Variants in AGPAT4 observed in about 807,000 individuals in gnomAD.
The protein encoded by AGPAT4 is 1-acyl-sn-glycerol-3-phosphate acyltransferase delta.
In AGPAT4, 15 loss-of-function variants were observed where a neutral mutation model predicts 48.0. The ratio of observed to expected loss-of-function variants is 0.31; its 90% CI spans 0.21 to 0.48. The LOEUF (loss-of-function observed/expected upper bound fraction) is 0.48, where lower values mean the gene tolerates loss of function less well. Ranked by LOEUF, AGPAT4 falls within the 20% of genes least tolerant of loss-of-function variation. AGPAT4 has a pLI of 0.99. For synonymous variants in AGPAT4, 178 were observed against 198.7 expected (o/e 0.90, Z 0.88); for missense variants, 314 against 482.5 (o/e 0.65, Z 3.27).
In AGPAT4 at chr6:161,136,542, A is replaced by G. The variant is rs1280727065; in HGVS notation, c.1135T>C (p.Ter379ArgextTer22). ...NSDSKQKLND[*>R] ...TCGGATGGTGACACCTCCCTGAGTC[A>G]GTCATTCAGTTTCTGCTTGCTGTCA... Residue 379 changes from the stop codon to arginine, a stop_lost, in exon 9 of 9, where the codon TGA becomes CGA. Transcript: ENST00000320285. 4 of 1,613,984 alleles carry G rather than the reference A, an allele frequency of 2.5e-6. No individual in the cohort carries two copies. Among genetic ancestry groups the G allele is most frequent in the Non-Finnish European group, 3.4e-6 (4 of 1,179,922 alleles).
At chr6:161,211,244 T>A (rs893287350) in intron 2 of AGPAT4, among the ~76,000 whole-genome samples, 7 of 152,174 alleles carry the variant, frequency 4.6e-5, no homozygotes, top group Non-Finnish European at 7.4e-5. Context: ...ATTTAGAATC[T>A]AAAGTTATAT....
At chr6:161,194,586 GTGTA>G (rs10586792) in intron 2 of AGPAT4, among the ~76,000 whole-genome samples, 14,420 of 151,578 alleles carry the variant, frequency 0.095, 2,165 homozygotes, top group African/African-American at 0.33. Context: ...GTGTATATAT[GTGTA>G]TGTATGTATG....
chr6:161,253,792 G>A (rs1240258977), intron 1 of AGPAT4, among the ~76,000 whole-genome samples: 4 of 152,050 alleles, frequency 2.6e-5, no homozygotes, highest in African/African-American at 4.8e-5. Context: ...TCAACACTGC[G>A]ATTTTGAAAT....
Position 161,245,115 on chromosome 6 carries a change from AG to A in AGPAT4, c.-89-12814del. On this transcript the variant is annotated intron_variant, in intron 1 of 8. Transcript: ENST00000320285. The surrounding 1 kb of genome is among the most constrained non-coding windows in gnomAD (Gnocchi z 5.2). Reference sequence around the variant, plus strand: ...AGGGTAGAAACCTCCTTGGGAATCGAGAAATTGCGACTCTATTCATGGTGGA... The same window carrying A: ...AGGGTAGAAACCTCCTTGGGAATCGAAAATTGCGACTCTATTCATGGTGGA... Among the ~76,000 whole-genome samples the A allele has an allele frequency of 6.6e-6, 1 of 152,376 alleles. No individual in the cohort carries two copies. Among genetic ancestry groups the A allele is most frequent in the Middle Eastern group, 3.4e-3 (1 of 294 alleles).
chr6:161,259,452 G>A lies in AGPAT4; in HGVS notation c.-90+14486C>T, dbSNP rs1205691016. Reference sequence around the variant, plus strand: ...ATCACGGACTTTTGTAGAGCCACCCGGTCTTTTGCAGGGCGGTCTGGAGTT... The same window carrying A: ...ATCACGGACTTTTGTAGAGCCACCCAGTCTTTTGCAGGGCGGTCTGGAGTT... On this transcript the variant is annotated intron_variant, in intron 1 of 8. Transcript: ENST00000320285. This position sits in a 1 kb window ranked among gnomAD's most constrained non-coding sequence, Gnocchi z 4.9. Among the ~76,000 whole-genome samples the A allele has an allele frequency of 1.3e-5, 2 of 151,952 alleles. No homozygotes were observed. The highest frequency in any genetic ancestry group is 2.9e-5 in the Non-Finnish European group (2 of 67,996).
intron 2 of AGPAT4, among the ~76,000 whole-genome samples, chr6:161,228,199 T>C (rs972037993): frequency 6.6e-6 from 1 of 152,216 alleles, no homozygotes; most frequent in African/African-American, 2.4e-5. Context: ...ACCATTGTAA[T>C]TGGCCCTGTT....
At chr6:161,199,095 T>C (rs1781145648) in intron 2 of AGPAT4, among the ~76,000 whole-genome samples, 1 of 148,082 alleles carries the variant, frequency 6.8e-6, no homozygotes, top group Admixed American at 6.7e-5. Flanking sequence ...TTGGTAATTA[T>C]AGAGGAATTA....
At chr6:161,260,530 T>C (rs963903529) in intron 1 of AGPAT4, among the ~76,000 whole-genome samples, 3 of 151,642 alleles carry the variant, frequency 2.0e-5, no homozygotes, top group Admixed American at 6.6e-5. Flanking sequence ...CACACACCTG[T>C]AGTCCTAGCT....
intron 2 of AGPAT4, among the ~76,000 whole-genome samples, chr6:161,187,297 G>C (rs1189723013): frequency 6.6e-6 from 1 of 152,122 alleles, no homozygotes. Context: ...CATAGAGTGT[G>C]CTTTCCTCAA....
Position 161,266,179 on chromosome 6 carries a change from C to T in AGPAT4, c.-90+7759G>A, listed in dbSNP as rs1783259798. On this transcript the variant is annotated intron_variant, in intron 1 of 8. Coordinates refer to ENST00000320285, the MANE Select transcript of AGPAT4 (RefSeq NM_020133.3). This position sits in a 1 kb window ranked among gnomAD's most constrained non-coding sequence, Gnocchi z 6.2. ...CAGGAATGTGGCTGAGCATCCGATT[C>T]TGCACAGGTTGGCCTCTTCCACAAT... 6.6e-6 allele frequency among the ~76,000 whole-genome samples: 1 copy of T among 152,148 alleles called. No individual in the cohort carries two copies. Among genetic ancestry groups the T allele is most frequent in the Admixed American group, 6.5e-5 (1 of 15,278 alleles).
intron 1 of AGPAT4, among the ~76,000 whole-genome samples, chr6:161,256,014 T>C (rs565231742): frequency 3.9e-4 from 60 of 151,962 alleles, no homozygotes; most frequent in Admixed American, 9.8e-4. Flanking sequence ...ATGAAGGAAA[T>C]GAGCTGCAGA....
intron 3 of AGPAT4, among the ~76,000 whole-genome samples, chr6:161,163,767 T>A (rs980701054): frequency 5.9e-5 from 9 of 152,214 alleles, no homozygotes; most frequent in African/African-American, 2.2e-4. Context: ...AAGGAAGCAC[T>A]TTAGCAAGAA....
rs974575428 is a variant in AGPAT4 at position 161,214,643 on chromosome 6, C to A, written c.178+17393G>T. ...AATTAGCTGGGCATGGTGGCACACA[C>A]CTGTAGTCCCAGCTACTCGGGAGGC... is the stretch of plus-strand genomic sequence containing the variant. On this transcript the variant is annotated intron_variant, in intron 2 of 8. Transcript: ENST00000320285. The surrounding 1 kb of genome is among the most constrained non-coding windows in gnomAD (Gnocchi z 5.4). Among the ~76,000 whole-genome samples the A allele has an allele frequency of 2.6e-5, 4 of 152,168 alleles. No individual in the cohort carries two copies. The highest frequency in any genetic ancestry group is 9.7e-5 in the African/African-American group (4 of 41,444).
At chr6:161,230,120 AAATACACT>A (rs1311699031) in intron 2 of AGPAT4, among the ~76,000 whole-genome samples, 1 of 152,230 alleles carries the variant, frequency 6.6e-6, no homozygotes, top group African/African-American at 2.4e-5. Context: ...CACCAGAAAC[AAATACACT>A]AATGCATCCT....
rs2115041105 is a variant in AGPAT4 at position 161,238,027 on chromosome 6, C to A, written c.-89-5725G>T. On this transcript the variant is annotated intron_variant, in intron 1 of 8. Transcript: ENST00000320285. This position sits in a 1 kb window ranked among gnomAD's most constrained non-coding sequence, Gnocchi z 5.2. ...GAAATGTGCAGGCAACGCGAGACCA[C>A]CTGGAAGCCAAGCACTGCTGTGTGT... is the stretch of plus-strand genomic sequence containing the variant. Among the ~76,000 whole-genome samples the A allele has an allele frequency of 7.2e-6, 1 of 139,050 alleles. No homozygotes were observed. Among genetic ancestry groups the A allele is most frequent in the African/African-American group, 2.7e-5 (1 of 36,760 alleles). 91.2% of individuals were successfully genotyped at this position (139,050 alleles called of 152,430 possible).
chr6:161,163,263 A>G (rs1779989572), intron 3 of AGPAT4, among the ~76,000 whole-genome samples: 1 of 152,214 alleles, frequency 6.6e-6, no homozygotes, highest in Non-Finnish European at 1.5e-5. Context: ...TTGGACTGTG[A>G]TAGGTGAGGA....
chr6:161,140,989 T>C lies in AGPAT4; in HGVS notation c.844-1369A>G, dbSNP rs1224106379. On this transcript the variant is annotated intron_variant, in intron 7 of 8. Transcript: ENST00000320285. This position sits in a 1 kb window ranked among gnomAD's most constrained non-coding sequence, Gnocchi z 6.5. The stretch of plus-strand genomic sequence containing the variant: ...AAATGAGCTTCCTTATAATTGAAAC[T>C]TATACTACTTAAATGCTGAATATTT... Among the ~76,000 whole-genome samples the C allele has an allele frequency of 6.6e-6, 1 of 152,206 alleles. No homozygotes were observed. Among genetic ancestry groups the C allele is most frequent in the African/African-American group, 2.4e-5 (1 of 41,462 alleles).
At position 161,166,967 on chromosome 6, in the gene AGPAT4, A is replaced by G. The variant is rs2114980374; in HGVS notation, c.179-550T>C. Among the ~76,000 whole-genome samples, 1 of 152,292 alleles carries G rather than the reference A, an allele frequency of 6.6e-6. No homozygotes were observed. Among genetic ancestry groups the G allele is most frequent in the East Asian group, 1.9e-4 (1 of 5,164 alleles). ...TCAGCCCACAGCAGGTCTGAAGAGA[A>G]CTATTGAAATAGTCTTTGTAGGGGC... On this transcript the variant is annotated intron_variant, in intron 2 of 8. Coordinates refer to ENST00000320285, the MANE Select transcript of AGPAT4 (RefSeq NM_020133.3). This position sits in a 1 kb window ranked among gnomAD's most constrained non-coding sequence, Gnocchi z 6.7.
Position 161,155,055 on chromosome 6 carries a change from G to A in AGPAT4, c.349-745C>T, listed in dbSNP as rs1010265603. 6.6e-6 allele frequency among the ~76,000 whole-genome samples: 1 copy of A among 152,172 alleles called. No individual in the cohort carries two copies. Among genetic ancestry groups the A allele is most frequent in the Non-Finnish European group, 1.5e-5 (1 of 68,036 alleles). On this transcript the variant is annotated intron_variant, in intron 3 of 8. Coordinates refer to ENST00000320285, the MANE Select transcript of AGPAT4 (RefSeq NM_020133.3). The surrounding 1 kb of genome is among the most constrained non-coding windows in gnomAD (Gnocchi z 5.8). ...GCCAGCATGTCCTTGAGGCTGAGACGGGGCAGAAGCACCTGCCAGAGACCT... is the reference window on the plus strand; with the variant it reads ...GCCAGCATGTCCTTGAGGCTGAGACAGGGCAGAAGCACCTGCCAGAGACCT...
Sources: allele counts gnomAD v4.1 joint callset (sites outside exome capture counted in the v4.1 genomes callset), GRCh38; gene constraint gnomAD v4.1.1; non-coding constraint Gnocchi (gnomAD v3.1); transcripts MANE v1.5; gene names NCBI Gene and HGNC (gene_info 2026-07-23, HGNC 2026-07-21).